The following RASSF8 variants were observed in gnomAD, a reference collection of about 807,000 sequenced individuals.
The protein encoded by RASSF8 is ras association domain-containing protein 8.
RASSF8 carries 22 observed loss-of-function variants against 48.5 expected under a neutral mutation model. The ratio of observed to expected loss-of-function variants is 0.45; its 90% CI spans 0.32 to 0.65. The LOEUF (loss-of-function observed/expected upper bound fraction) is 0.65. Ranked by LOEUF, RASSF8 falls within the 30% of genes least tolerant of loss-of-function variation. The pLI, the probability that RASSF8 is intolerant of heterozygous loss-of-function variation, is 0.03. For missense variants in RASSF8, 418 were observed against 489.2 expected (o/e 0.85, Z 1.37); for synonymous variants, 127 against 171.5 (o/e 0.74, Z 2.03).
intron 1 of RASSF8, among the ~76,000 whole-genome samples, chr12:25,963,239 G>GT (rs202041353): frequency 7.2e-6 from 1 of 138,592 alleles, no homozygotes; most frequent in Non-Finnish European, 1.5e-5. Flanking sequence ...GAGAGGAGGA[G>GT]TTTTTTTTAA....
At chr12:25,986,122 C>G (rs188742903) in intron 1 of RASSF8, among the ~76,000 whole-genome samples, 71 of 152,220 alleles carry the variant, frequency 4.7e-4, no homozygotes, top group Admixed American at 2.8e-3. Context: ...TGTCCTCAGT[C>G]TTAAAGGGGT....
rs139868193 is a variant in RASSF8 at position 26,026,975 on chromosome 12, C to T, written c.-108-28261C>T. The stretch of plus-strand genomic sequence containing the variant: ...TTCATAGCAGCATTATTCATAATAG[C>T]CAAAAATAGAAACAACCCAAATGAT... On this transcript the variant is annotated intron_variant, in intron 2 of 5. Coordinates refer to ENST00000689635, the MANE Select transcript of RASSF8 (RefSeq NM_001394098.1). Among the ~76,000 whole-genome samples the T allele has an allele frequency of 7.3e-3, 1,115 of 151,996 alleles. 16 individuals carry two copies. Among genetic ancestry groups the T allele is most frequent in the African/African-American group, 0.026 (1,071 of 41,440 alleles).
At chr12:26,026,750 T>G (rs1277075047) in intron 2 of RASSF8, among the ~76,000 whole-genome samples, 1 of 152,128 alleles carries the variant, frequency 6.6e-6, no homozygotes, top group Middle Eastern at 3.4e-3. Context: ...TAATAAGGAG[T>G]GTGAGTGAGA....
At chr12:26,011,049 C>A (rs1942511511) in intron 2 of RASSF8, among the ~76,000 whole-genome samples, 1 of 152,138 alleles carries the variant, frequency 6.6e-6, no homozygotes. Context: ...CTGCCCAGTG[C>A]AGATCTAAAA....
rs748526616 is a variant in RASSF8, at chr12:26,065,042, C to T, written c.648C>T (p.Asn216=). 1.8e-5 allele frequency: 29 copies of T among 1,612,946 alleles called. No individual in the cohort carries two copies. Among genetic ancestry groups the T allele is most frequent in the Middle Eastern group, 3.3e-4 (2 of 6,082 alleles). The change falls in exon 4 of 6, where the codon AAC becomes AAT. Residue 216 remains asparagine (N), a synonymous_variant. Coordinates refer to ENST00000689635, the MANE Select transcript of RASSF8 (RefSeq NM_001394098.1). ...IVRLEQKIKR[N]DVEIEEEEFW... is the part of the protein sequence containing the mutation. Reference sequence around the variant, plus strand: ...GTCTAGAGCAAAAGATCAAAAGAAACGATGTAGAAATTGAGGAGGAAGAAT... The same window carrying T: ...GTCTAGAGCAAAAGATCAAAAGAAATGATGTAGAAATTGAGGAGGAAGAAT...
In RASSF8 at chr12:26,065,327, G is replaced by T. The variant is rs767981651; in HGVS notation, c.933G>T (p.Arg311Ser). 26 of 1,613,990 alleles carry T rather than the reference G, an allele frequency of 1.6e-5. No homozygotes were observed. The Admixed American group carries it at 3.7e-4, about 23-fold the overall frequency. The change falls in exon 4 of 6, where the codon AGG becomes AGT. Residue 311 changes from arginine (R) to serine (S), a missense_variant. Arg to Ser is a moderately radical substitution (Grantham distance 110). Transcript: ENST00000689635. ...ACATTCAAGGCCAGCAGAGTCTGAG[G>T]TTGGAAAATGGCATCAAAGCTGTGG... ...EIDIQGQQSL[R>S]LENGIKAVER...
At position 25,960,629 on chromosome 12, in the gene RASSF8, A is replaced by G. The variant is rs555634746; in HGVS notation, c.-203+1481A>G. The stretch of plus-strand genomic sequence containing the variant: ...CAAGTACAACAAAATATAATTTGTA[A>G]TACAGATGATAAAACCTTTCAAAAA... On this transcript the variant is annotated intron_variant, in intron 1 of 5. Transcript: ENST00000689635. Among the ~76,000 whole-genome samples, 10 of 152,350 alleles carry G rather than the reference A, an allele frequency of 6.6e-5. No individual in the cohort carries two copies. In the South Asian group the frequency reaches 2.1e-3, roughly 32 times the overall value.
At chr12:26,056,170 G>A (rs548882093) in intron 3 of RASSF8, among the ~76,000 whole-genome samples, 23 of 152,268 alleles carry the variant, frequency 1.5e-4, no homozygotes, top group African/African-American at 5.1e-4. Context: ...GGGTGACAGC[G>A]AAACTCGGTC....
At chr12:26,074,689 TAAG>T (rs1459701644), downstream of RASSF8, among the ~76,000 whole-genome samples, 1 of 152,014 alleles carries the variant, frequency 6.6e-6, no homozygotes, top group Non-Finnish European at 1.5e-5. Context: ...TACAACATGT[TAAG>T]AACCACTAGA....
At chr12:26,002,038 G>A (rs1417897062) in intron 2 of RASSF8, among the ~76,000 whole-genome samples, 1 of 152,238 alleles carries the variant, frequency 6.6e-6, no homozygotes, top group African/African-American at 2.4e-5. Context: ...GAATTTTTCA[G>A]ATCCAGTGTA....
At chr12:26,012,923 G>T (rs1429601804) in intron 2 of RASSF8, among the ~76,000 whole-genome samples, 2 of 152,046 alleles carry the variant, frequency 1.3e-5, no homozygotes, top group Non-Finnish European at 2.9e-5. Flanking sequence ...CAATCCTTCT[G>T]CCTCATCCTC....
intron 1 of RASSF8, among the ~76,000 whole-genome samples, chr12:25,970,335 T>C (rs1941457659): frequency 6.6e-6 from 1 of 152,144 alleles, no homozygotes; most frequent in Non-Finnish European, 1.5e-5. Flanking sequence ...GATCAGTGTG[T>C]CACCTAACTT....
chr12:26,040,485 A>G lies in RASSF8; in HGVS notation c.-108-14751A>G, dbSNP rs569514565. On this transcript the variant is annotated intron_variant, in intron 2 of 5. Coordinates refer to ENST00000689635, the MANE Select transcript of RASSF8 (RefSeq NM_001394098.1). ...TGTTCTAAAGTTTGGAAGAGGCAGG[A>G]AAGGGTAGGAAATGTTTTTTCTGAC... Among the ~76,000 whole-genome samples, 36 of 152,320 alleles carry G rather than the reference A, an allele frequency of 2.4e-4. 1 individual carries two copies. The highest frequency in any genetic ancestry group is 8.7e-4 in the African/African-American group (36 of 41,574).
At chr12:26,020,768 T>TA (rs942293667) in intron 2 of RASSF8, among the ~76,000 whole-genome samples, 6 of 152,100 alleles carry the variant, frequency 3.9e-5, no homozygotes, top group Admixed American at 3.9e-4. Flanking sequence ...AAAAGTGAAA[T>TA]AAAAAAATAC....
chr12:26,024,811 G>T (rs1354683881), intron 2 of RASSF8, among the ~76,000 whole-genome samples: 1 of 152,048 alleles, frequency 6.6e-6, no homozygotes, highest in Non-Finnish European at 1.5e-5. Context: ...CAAAAAATTA[G>T]CCGGGCGTGG....
chr12:26,068,905 A>G lies in RASSF8; in HGVS notation c.*87A>G, dbSNP rs1341483159. On this transcript the variant is annotated 3_prime_UTR_variant, in exon 6 of 6. Coordinates refer to ENST00000689635, the MANE Select transcript of RASSF8 (RefSeq NM_001394098.1). Reference sequence around the variant, plus strand: ...GATTTGTGCCAATGATGAACAGAGGATCTATTCCACAAGACGCTGTATGTT... The same window carrying G: ...GATTTGTGCCAATGATGAACAGAGGGTCTATTCCACAAGACGCTGTATGTT... 6.7e-7 allele frequency: 1 copy of G among 1,501,980 alleles called. No individual in the cohort carries two copies. The highest frequency in any genetic ancestry group is 1.3e-5 in the South Asian group (1 of 78,836). The allele number at this position is 1,501,980 out of a possible 1,614,324, so 93.0% of individuals were successfully genotyped here.
At chr12:26,015,056 G>A (rs1201161867) in intron 2 of RASSF8, among the ~76,000 whole-genome samples, 3 of 149,986 alleles carry the variant, frequency 2.0e-5, no homozygotes, top group Admixed American at 1.3e-4. Context: ...AAAAAAAATA[G>A]AAATTAGCCA....
chr12:25,992,356 C>T (rs1451433778), intron 1 of RASSF8, among the ~76,000 whole-genome samples: 3 of 152,204 alleles, frequency 2.0e-5, no homozygotes, highest in African/African-American at 7.2e-5. Flanking sequence ...TCCTGTTTAG[C>T]TCTATGACCC....
intron 2 of RASSF8, among the ~76,000 whole-genome samples, chr12:26,038,452 G>A (rs1001841964): frequency 6.6e-6 from 1 of 152,214 alleles, no homozygotes; most frequent in African/African-American, 2.4e-5. Flanking sequence ...TACAAAACTA[G>A]ATATTTGGCT....
Sources: allele counts gnomAD v4.1 joint callset (sites outside exome capture counted in the v4.1 genomes callset), GRCh38; gene constraint gnomAD v4.1.1; transcripts MANE v1.5; gene names NCBI Gene and HGNC (gene_info 2026-07-23, HGNC 2026-07-21).